Variants in DSC2 observed in about 807,000 individuals in gnomAD.
DSC2 encodes the protein desmocollin 2, also known as desmocollin-2.
Under a neutral mutation model 87.6 loss-of-function variants are expected in DSC2, and 51 were observed. The observed-to-expected ratio is 0.58, with a 90% CI of 0.46 to 0.74. The LOEUF (loss-of-function observed/expected upper bound fraction) is 0.74. DSC2 is among the 30% of genes least tolerant of loss of function. The pLI is 0.00. For missense variants in DSC2, 1,066 were observed against 1,089.5 expected, an observed-to-expected ratio of 0.98 and a Z score of 0.30; for synonymous variants, 383 against 393.2, an observed-to-expected ratio of 0.97 and a Z score of 0.31.
Position 31,092,283 on chromosome 18 carries a change from A to C in DSC2, c.172T>G (p.Phe58Val), listed in dbSNP as rs138749562. The part of the protein sequence containing the change: ...LVGRVNLKEC[F>V]TAANLIHSSD... Reference sequence around the variant, plus strand: ...GAATGAATTAGATTTGCAGCTGTAAAGCACTCTTTCAGGTTAACTGTAGAA... The same window carrying C: ...GAATGAATTAGATTTGCAGCTGTAACGCACTCTTTCAGGTTAACTGTAGAA... Residue 58 changes from phenylalanine (F) to valine (V), a missense_variant, in exon 3 of 16, where the codon TTT (phenylalanine) becomes GTT (valine). Phe to Val is a conservative substitution (Grantham distance 50). Transcript: ENST00000280904. The C allele has an allele frequency of 1.2e-4, 188 of 1,613,636 alleles. No homozygotes were observed. The African/African-American group carries it at 2.3e-3, about 20-fold the overall frequency.
At position 31,101,928 on chromosome 18, in the gene DSC2, C is replaced by T; in HGVS notation, c.44G>A (p.Cys15Tyr). The T allele has an allele frequency of 6.5e-7, 1 of 1,530,862 alleles. No homozygotes were observed. Among genetic ancestry groups the T allele is most frequent in the Non-Finnish European group, 8.7e-7 (1 of 1,144,060 alleles). The allele number at this position is 1,530,862 out of a possible 1,614,324, so 94.8% of individuals were successfully genotyped here. The change falls in exon 1 of 16, where the codon TGC becomes TAC. Residue 15 changes from cysteine to tyrosine, a missense_variant. Coordinates refer to ENST00000280904, the MANE Select transcript of DSC2 (RefSeq NM_024422.6). ...RPSGSWNGAL[C>Y]RLLLLTLAIL... The stretch of plus-strand genomic sequence containing the variant: ...CGCGAGGGTCAGCAGGAGCAGCCGG[C>T]AGAGGGCTCCGTTCCAGGAGCCGGA...
chr18:31,086,849 A>AC lies in DSC2; in HGVS notation c.776-108dup, dbSNP rs2144831289. On this transcript the variant is annotated intron_variant, in intron 6 of 15. Coordinates refer to ENST00000280904, the MANE Select transcript of DSC2 (RefSeq NM_024422.6). ...CAAAAAAGTTCTGGACCACATTATT[A>AC]CATGGCAAAGTCATGGCTTTTATAA... The AC allele has an allele frequency of 3.3e-6, 4 of 1,225,152 alleles. No individual in the cohort carries two copies. In the South Asian group the frequency reaches 5.2e-5, roughly 16 times the overall value. The allele number at this position is 1,225,152 out of a possible 1,614,324, so 75.9% of individuals were successfully genotyped here.
In DSC2 at chr18:31,059,677, T is replaced by C. The variant is rs576613786; in HGVS notation, c.*8338A>G. On this transcript the variant is annotated 3_prime_UTR_variant, in exon 16 of 16. Coordinates refer to ENST00000280904, the MANE Select transcript of DSC2 (RefSeq NM_024422.6). ...AAACACACAATGAATAAATATTTCATTTACCGAGGATTTATCACTCAATAT... is the reference window on the plus strand; with the variant it reads ...AAACACACAATGAATAAATATTTCACTTACCGAGGATTTATCACTCAATAT... 6.6e-6 allele frequency: 1 copy of C among 152,282 alleles called. No individual in the cohort carries two copies. Among genetic ancestry groups the C allele is most frequent in the African/African-American group, 2.4e-5 (1 of 41,572 alleles). 9.4% of individuals were successfully genotyped at this position (152,282 alleles called of 1,614,324 possible). A position where few individuals can be genotyped will look rare whatever the true frequency, so the allele number is the denominator to read the frequency against.
chr18:31,082,311 T>A lies in DSC2; in HGVS notation c.1190A>T (p.Lys397Met). The A allele has an allele frequency of 6.2e-7, 1 of 1,613,946 alleles. No homozygotes were observed. The highest frequency in any genetic ancestry group is 2.2e-5 in the East Asian group (1 of 44,840). Reference protein sequence around the residue: ...ANWRANYTILKGNENGNFKIV... With the variant: ...ANWRANYTILMGNENGNFKIV... The stretch of plus-strand genomic sequence containing the variant: ...TTTAAAATTGCCATTTTCATTGCCC[T>A]TTAAAATGGTATAATTAGCTCTCCA... The change falls in exon 9 of 16, where the codon AAG becomes ATG. Residue 397 changes from lysine to methionine, a missense_variant. Physicochemically the swap from Lys to Met is moderately conservative, Grantham distance 95. Coordinates refer to ENST00000280904, the MANE Select transcript of DSC2 (RefSeq NM_024422.6).
intron 5 of DSC2, among the ~76,000 whole-genome samples, chr18:31,088,875 T>G (rs1987490961): frequency 1.3e-5 from 2 of 151,998 alleles, no homozygotes; most frequent in Non-Finnish European, 2.9e-5. Context: ...ACTAAGTAAC[T>G]GTTCTTGGCC....
At chr18:31,071,507 C>T (rs1295496066) in intron 13 of DSC2, 98 bp downstream of exon 13, 30 of 1,050,696 alleles carry the variant, frequency 2.9e-5, no homozygotes, top group Non-Finnish European at 4.5e-5. Flanking sequence ...GATCACACTA[C>T]TGCACTCCAG....
At chr18:31,073,077 A>G (rs938974326) in intron 12 of DSC2, among the ~76,000 whole-genome samples, 50 of 152,260 alleles carry the variant, frequency 3.3e-4, no homozygotes, top group African/African-American at 1.2e-3. Context: ...AGCTTAACTG[A>G]CTTCAAAGCC....
chr18:31,070,968 CT>C, intron 13 of DSC2, 118 bp from the exon 14 acceptor site: 2 of 1,281,290 alleles, frequency 1.6e-6, no homozygotes, highest in Non-Finnish European at 2.2e-6. Context: ...AAGAAGACAG[CT>C]TTCCTGGATT....
intron 13 of DSC2, 77 bp downstream of exon 13, chr18:31,071,528 G>T: frequency 2.2e-6 from 3 of 1,364,646 alleles, no homozygotes; most frequent in Non-Finnish European, 3.1e-6. Flanking sequence ...CCTGGGCTCT[G>T]TCTCAAAAAA....
At chr18:31,096,300 T>C (rs973671307) in intron 1 of DSC2, among the ~76,000 whole-genome samples, 16 of 152,194 alleles carry the variant, frequency 1.1e-4, no homozygotes, top group African/African-American at 3.9e-4. Context: ...AAGCAATTGC[T>C]AGGCCAAAAC....
rs2144790526 is a variant in DSC2 at position 31,071,615 on chromosome 18, T to G, written c.2115A>C (p.Ala705=). 2 of 1,613,776 alleles carry G rather than the reference T, an allele frequency of 1.2e-6. No homozygotes were observed. Among genetic ancestry groups the G allele is most frequent in the East Asian group, 4.5e-5 (2 of 44,872 alleles). ...WAILAILLGI[A]LLFCILFTLV... ...GGACTTAAGACTTACAAAAGAGCAA[T>G]GCTATGCCCAACAATATTGCAAGGA... Residue 705 remains alanine, a synonymous_variant, in exon 13 of 16, where the codon GCA becomes GCC. Coordinates refer to ENST00000280904, the MANE Select transcript of DSC2 (RefSeq NM_024422.6).
chr18:31,071,517 G>T, intron 13 of DSC2, 88 bp downstream of exon 13: 1 of 1,210,290 alleles, frequency 8.3e-7, no homozygotes, highest in Non-Finnish European at 1.2e-6. Flanking sequence ...CTGCACTCCA[G>T]CCTGGGCTCT....
At chr18:31,093,247 T>C (rs879387625) in intron 2 of DSC2, among the ~76,000 whole-genome samples, 1 of 152,144 alleles carries the variant, frequency 6.6e-6, no homozygotes, top group Non-Finnish European at 1.5e-5. Flanking sequence ...ATCACCTAGG[T>C]ATTAAACTCA....
Position 31,060,058 on chromosome 18 carries a change from G to C in DSC2, c.*7957C>G, listed in dbSNP as rs1986471978. On this transcript the variant is annotated 3_prime_UTR_variant, in exon 16 of 16. Coordinates refer to ENST00000280904, the MANE Select transcript of DSC2 (RefSeq NM_024422.6). Reference sequence around the variant, plus strand: ...CCACGTCTTTCTGACTGCGAAGTCTGTGTGTGATCATTGTTTCCATTGTCC... The same window carrying C: ...CCACGTCTTTCTGACTGCGAAGTCTCTGTGTGATCATTGTTTCCATTGTCC... 1 of 152,186 alleles carries C rather than the reference G, an allele frequency of 6.6e-6. No individual in the cohort carries two copies. Among genetic ancestry groups the C allele is most frequent in the South Asian group, 2.1e-4 (1 of 4,826 alleles). 9.4% of individuals were successfully genotyped at this position (152,186 alleles called of 1,614,324 possible).
At position 31,079,846 on chromosome 18, in the gene DSC2, C is replaced by T. The variant is rs1987144991; in HGVS notation, c.1663+1G>A. 1.2e-6 allele frequency: 2 copies of T among 1,613,746 alleles called. No homozygotes were observed. Among genetic ancestry groups the T allele is most frequent in the African/African-American group, 1.3e-5 (1 of 74,892 alleles). ...TAGCTGGCTTAAAGACAAATTCTTA[C>T]CTTGGTCTGATGCAAGGACTGTAAT... On this transcript the variant is annotated splice_donor_variant, in intron 11 of 15. Coordinates refer to ENST00000280904, the MANE Select transcript of DSC2 (RefSeq NM_024422.6). LOFTEE classifies it high-confidence loss of function.
At position 31,069,067 on chromosome 18, in the gene DSC2, C is replaced by T. The variant is rs139290300; in HGVS notation, c.2335G>A (p.Gly779Arg). 1.0e-4 allele frequency: 165 copies of T among 1,613,988 alleles called. No homozygotes were observed. Among genetic ancestry groups the T allele is most frequent in the Non-Finnish European group, 1.3e-4 (157 of 1,180,020 alleles). ...CGTVGSGIKN[G>R]GQETIEMVKG... ...ACCATTTCGATGGTCTCCTGACCTC[C>T]GTTTTTGATTCCTGATCCCACGGTG... is the stretch of plus-strand genomic sequence containing the variant. Residue 779 changes from glycine (G) to arginine (R), a missense_variant, in exon 15 of 16, where the codon GGA (glycine) becomes AGA (arginine). Physicochemically the swap from Gly to Arg is moderately radical, Grantham distance 125. Transcript: ENST00000280904.
Position 31,086,660 on chromosome 18 carries a change from C to A in DSC2, c.858G>T (p.Gly286=). The change falls in exon 7 of 16, where the codon GGG becomes GGT. Residue 286 remains glycine, a synonymous_variant. Transcript: ENST00000280904. ...ATAGGGTGGGTGATGGTGGCACCTGCCCAATGATGGAGTACTTCAGGCGTG... is the reference window on the plus strand; with the variant it reads ...ATAGGGTGGGTGATGGTGGCACCTGACCAATGATGGAGTACTTCAGGCGTG... ...MHTRLKYSII[G]QVPPSPTLFS... 2 of 1,614,150 alleles carry A rather than the reference C, an allele frequency of 1.2e-6. No individual in the cohort carries two copies. The highest frequency in any genetic ancestry group is 1.7e-6 in the Non-Finnish European group (2 of 1,180,016).
Position 31,102,126 on chromosome 18 carries a change from C to A in DSC2, c.-155G>T, listed in dbSNP as rs886053699. 6 of 596,070 alleles carry A rather than the reference C, an allele frequency of 1.0e-5. No individual in the cohort carries two copies. Among genetic ancestry groups the A allele is most frequent in the African/African-American group, 2.0e-5 (1 of 50,484 alleles). The allele number at this position is 596,070 out of a possible 1,614,324, so 36.9% of individuals were successfully genotyped here. A position where few individuals can be genotyped will look rare whatever the true frequency, so the allele number is the denominator to read the frequency against. ...GCGCGCGGAGAGGTGCTTTTCTTAGCTTCTCTGAAGCGCCTGCCTCTCATC... is the reference window on the plus strand; with the variant it reads ...GCGCGCGGAGAGGTGCTTTTCTTAGATTCTCTGAAGCGCCTGCCTCTCATC... On this transcript the variant is annotated 5_prime_UTR_variant, in exon 1 of 16. Transcript: ENST00000280904.
intron 13 of DSC2, among the ~76,000 whole-genome samples, chr18:31,071,338 G>A (rs879327643): frequency 2.6e-5 from 4 of 152,100 alleles, no homozygotes; most frequent in Non-Finnish European, 5.9e-5. Flanking sequence ...CTTGAGGCCA[G>A]GAGATAGAGA....
Sources: gnomAD v4.1 joint callset for allele counts (sites outside exome capture counted in the v4.1 genomes callset) on GRCh38, gnomAD v4.1.1 for gene constraint, MANE v1.5 for transcripts, NCBI Gene and HGNC (gene_info 2026-07-23, HGNC 2026-07-21) for gene names.